The following NHS variants were observed in gnomAD, a reference collection of about 807,000 sequenced individuals.
The protein encoded by NHS is actin remodeling regulator NHS.
In NHS, 5 loss-of-function variants were observed where a neutral mutation model predicts 72.5. That is an observed-to-expected ratio of 0.07 (90% confidence interval 0.04 to 0.14). The LOEUF (loss-of-function observed/expected upper bound fraction) is 0.14. Among genes scored for constraint, NHS ranks in the 10% least tolerant of loss-of-function variants. NHS has a pLI of 1.00. For missense variants in NHS, 1,072 were observed against 1,355.7 expected, an observed-to-expected ratio of 0.79 and a Z score of 3.29; for synonymous variants, 464 against 547.7, an observed-to-expected ratio of 0.85 and a Z score of 2.13.
chrX:17,635,573 C>G (rs1323920235), intron 1 of NHS: 19 of 1,165,077 alleles, frequency 1.6e-5, no homozygotes, highest in South Asian at 5.7e-5. Context: ...AAGCATGGCT[C>G]TGGCCTGCTG....
chrX:17,667,169 G>A (rs773255385), intron 1 of NHS, among the ~76,000 whole-genome samples: 1 of 112,703 alleles, frequency 8.9e-6, no homozygotes, highest in South Asian at 3.7e-4. Flanking sequence ...CTGCCTTTCA[G>A]GCTTTAATAT....
At chrX:17,499,008 C>T (rs1342457124) in intron 1 of NHS, among the ~76,000 whole-genome samples, 9 of 111,752 alleles carry the variant, frequency 8.1e-5, no homozygotes, top group African/African-American at 2.6e-4. Context: ...GTAAACTTCC[C>T]TCATAGTATG....
At position 17,663,941 on chromosome X, in the gene NHS, G is replaced by T. The variant is rs747482230; in HGVS notation, c.566-23801G>T. Among the ~76,000 whole-genome samples the T allele has an allele frequency of 7.2e-5, 8 of 111,880 alleles. No homozygotes were observed. The East Asian group carries it at 1.7e-3, about 23-fold the overall frequency. On this transcript the variant is annotated intron_variant, in intron 1 of 8. Transcript: ENST00000676302. ...TTGTGGTTTTCATTTGCATTTCTGT[G>T]ATGACAAATAATGCTGAACACCTTT...
At chrX:17,623,944 G>T (rs2065786233) in intron 1 of NHS, among the ~76,000 whole-genome samples, 1 of 112,714 alleles carries the variant, frequency 8.9e-6, no homozygotes, top group Non-Finnish European at 1.9e-5. Flanking sequence ...ACAATAGCTT[G>T]CGTCACATCT....
chrX:17,720,083 G>A (rs753683444), intron 4 of NHS, among the ~76,000 whole-genome samples: 4 of 111,581 alleles, frequency 3.6e-5, no homozygotes, highest in South Asian at 3.7e-4. Flanking sequence ...TATTCGCTTC[G>A]CTGGGAATCT....
chrX:17,713,451 C>A (rs899477901), intron 3 of NHS, among the ~76,000 whole-genome samples: 1 of 112,160 alleles, frequency 8.9e-6, no homozygotes, highest in African/African-American at 3.2e-5. Flanking sequence ...AAATATTTTT[C>A]ATGTTTAAGA....
Position 17,732,359 on chromosome X carries a change from C to T in NHS, c.4851C>T (p.Val1617=). ...CAGCCAGCAGCAGCCGCTACAGTGTCCGCTGCCGGCTGTACAATACGCCCA... is the reference window on the plus strand; with the variant it reads ...CAGCCAGCAGCAGCCGCTACAGTGTTCGCTGCCGGCTGTACAATACGCCCA... ...PPAASSSRYS[V]RCRLYNTPMQ... The change falls in exon 9 of 9, where the codon GTC becomes GTT. Residue 1617 remains valine (V), a synonymous_variant. Coordinates refer to ENST00000676302, the MANE Select transcript of NHS (RefSeq NM_001291867.2). 5 of 1,212,532 alleles carry T rather than the reference C, an allele frequency of 4.1e-6. No homozygotes were observed. The highest frequency in any genetic ancestry group is 5.6e-6 in the Non-Finnish European group (5 of 895,697).
Position 17,521,366 on chromosome X carries a change from C to CTTTTTTTTTTTTTTTTTTTTT in NHS, c.565+145057_565+145058insTTTTTTTTTTTTTTTTTTTTT, listed in dbSNP as rs766662277. Among the ~76,000 whole-genome samples, 169 of 97,291 alleles carry CTTTTTTTTTTTTTTTTTTTTT rather than the reference C, an allele frequency of 1.7e-3. 10 individuals are homozygous for CTTTTTTTTTTTTTTTTTTTTT. The highest frequency in any genetic ancestry group is 7.1e-3 in the African/African-American group (163 of 23,108). The allele number at this position is 97,291 out of a possible 115,157, so 84.5% of individuals were successfully genotyped here. A position where few individuals can be genotyped will look rare whatever the true frequency, so the allele number is the denominator to read the frequency against. On this transcript the variant is annotated intron_variant, in intron 1 of 8. Coordinates refer to ENST00000676302, the MANE Select transcript of NHS (RefSeq NM_001291867.2). ...AGTTCTACCTTTTTCTCCCTTCCCTCTTTTTTTTTTTTTGAGACAGGGTCT... is the reference window on the plus strand; with the variant it reads ...AGTTCTACCTTTTTCTCCCTTCCCTCTTTTTTTTTTTTTTTTTTTTTTTTTTTTTTTTTTGAGACAGGGTCT...
intron 1 of NHS, among the ~76,000 whole-genome samples, chrX:17,669,146 C>A (rs1236973057): frequency 8.9e-6 from 1 of 112,444 alleles, no homozygotes; most frequent in Non-Finnish European, 1.9e-5. Context: ...ATTTACGCCA[C>A]CTGACAGTAC....
At chrX:17,394,006 C>T (rs188687942) in intron 1 of NHS, among the ~76,000 whole-genome samples, 2 of 111,426 alleles carry the variant, frequency 1.8e-5, no homozygotes, top group Admixed American at 9.5e-5. Context: ...GACATTCCGC[C>T]CCCCCACCGC....
chrX:17,701,210 T>G (rs2066261590), intron 3 of NHS, among the ~76,000 whole-genome samples: 1 of 111,871 alleles, frequency 8.9e-6, no homozygotes, highest in Admixed American at 9.5e-5. Context: ...GAAAATTGCC[T>G]GAGGACGTAT....
chrX:17,566,697 T>TTG (rs2065445890), intron 1 of NHS, among the ~76,000 whole-genome samples: 1 of 110,634 alleles, frequency 9.0e-6, no homozygotes, highest in Non-Finnish European at 1.9e-5. Context: ...TTGTTTTTTT[T>TTG]TTTTTTTATT....
At chrX:17,378,702 G>A (rs1220980099) in intron 1 of NHS, among the ~76,000 whole-genome samples, 1 of 111,914 alleles carries the variant, frequency 8.9e-6, no homozygotes, top group African/African-American at 3.3e-5. Context: ...GGGCAACTGG[G>A]GTTCAATCCA....
intron 1 of NHS, among the ~76,000 whole-genome samples, chrX:17,377,938 G>A (rs1467439248): frequency 8.9e-6 from 1 of 112,232 alleles, no homozygotes; most frequent in Non-Finnish European, 1.9e-5. Flanking sequence ...CACACAGCAG[G>A]GACAGGCCCT....
At chrX:17,539,156 C>A (rs1292390599) in intron 1 of NHS, among the ~76,000 whole-genome samples, 1 of 111,761 alleles carries the variant, frequency 8.9e-6, no homozygotes, top group Non-Finnish European at 1.9e-5. Flanking sequence ...AGGCCTTTGC[C>A]CTTGCTGTTC....
rs1475151062 is a variant in NHS, at chrX:17,725,152, A to G, written c.1241-195A>G. ...ATCTTCTCTTGGTATGTATATATAC[A>G]TATATGAGGGGGACGTGTATATACA... is the stretch of plus-strand genomic sequence containing the variant. On this transcript the variant is annotated intron_variant, in intron 6 of 8. Transcript: ENST00000676302. Among the ~76,000 whole-genome samples the G allele has an allele frequency of 4.5e-5, 5 of 110,583 alleles. No homozygotes were observed. The Admixed American group carries it at 4.8e-4, about 11-fold the overall frequency.
rs1359502430 is a variant in NHS at position 17,650,778 on chromosome X, C to T, written c.566-36964C>T. 1.2e-4 allele frequency among the ~76,000 whole-genome samples: 14 copies of T among 112,017 alleles called. No homozygotes were observed. In the Admixed American group the frequency reaches 1.3e-3, roughly 11 times the overall value. On this transcript the variant is annotated intron_variant, in intron 1 of 8. Transcript: ENST00000676302. ...GTCAATTAAGATCTGTTTGTGTCAA[C>T]AAAATAGTAAATTAACCAGCAAAGG...
At chrX:17,561,608 A>ACACACACACG (rs1336964026) in intron 1 of NHS, among the ~76,000 whole-genome samples, 1 of 103,994 alleles carries the variant, frequency 9.6e-6, no homozygotes, top group Non-Finnish European at 2.0e-5. Context: ...ACACACACAC[A>ACACACACACG]CACACACACA....
At chrX:17,521,855 G>A (rs964281110) in intron 1 of NHS, among the ~76,000 whole-genome samples, 3 of 112,432 alleles carry the variant, frequency 2.7e-5, no homozygotes, top group African/African-American at 6.5e-5. Flanking sequence ...AGCTAGCTAA[G>A]GCCTGGTCAC....
Sources: allele counts gnomAD v4.1 joint callset (sites outside exome capture counted in the v4.1 genomes callset), GRCh38; gene constraint gnomAD v4.1.1; transcripts MANE v1.5; gene names NCBI Gene and HGNC (gene_info 2026-07-23, HGNC 2026-07-21).